NUDCD1: variants seen among roughly 807,000 people sequenced by gnomAD.
The protein encoded by NUDCD1 is nudC domain-containing protein 1.
In NUDCD1, 60 loss-of-function variants were observed where a neutral mutation model predicts 67.8. The ratio of observed to expected loss-of-function variants is 0.88; its 90% CI spans 0.72 to 1.10. The LOEUF (loss-of-function observed/expected upper bound fraction) is 1.10, where lower values mean the gene tolerates loss of function less well. Among genes scored for constraint, NUDCD1 ranks in the 50% least tolerant of loss-of-function variants. The pLI is 0.00. For missense variants in NUDCD1, 643 were observed against 695.0 expected, an observed-to-expected ratio of 0.93 and a Z score of 0.84; for synonymous variants, 244 against 230.8, an observed-to-expected ratio of 1.06 and a Z score of -0.52.
intron 2 of NUDCD1, among the ~76,000 whole-genome samples, chr8:109,317,703 G>A (rs1392756804): frequency 1.3e-5 from 2 of 151,954 alleles, no homozygotes. Flanking sequence ...AGGAATATGT[G>A]CAAAAAAAAC....
At chr8:109,255,888 C>T (rs1024005877) in intron 8 of NUDCD1, among the ~76,000 whole-genome samples, 1 of 152,068 alleles carries the variant, frequency 6.6e-6, no homozygotes, top group African/African-American at 2.4e-5. Context: ...GTTTGAAGAA[C>T]AGCATAATGG....
At chr8:109,256,736 GA>G (rs1813749502) in intron 8 of NUDCD1, among the ~76,000 whole-genome samples, 1 of 151,798 alleles carries the variant, frequency 6.6e-6, no homozygotes, top group African/African-American at 2.4e-5. Context: ...AGGAAAAAAT[GA>G]CACCAAGTTC....
chr8:109,304,229 T>C (rs1778966697), intron 2 of NUDCD1, among the ~76,000 whole-genome samples: 1 of 152,198 alleles, frequency 6.6e-6, no homozygotes, highest in Non-Finnish European at 1.5e-5. Context: ...GTGTAGCCTT[T>C]CTGTCCAAAC....
intron 8 of NUDCD1, among the ~76,000 whole-genome samples, chr8:109,266,651 T>C (rs1288062012): frequency 6.6e-6 from 1 of 152,192 alleles, no homozygotes; most frequent in African/African-American, 2.4e-5. Flanking sequence ...AATTGCTCAA[T>C]AGTCACCATA....
intron 8 of NUDCD1, among the ~76,000 whole-genome samples, chr8:109,249,328 G>A (rs1813571209): frequency 6.6e-6 from 1 of 152,146 alleles, no homozygotes; most frequent in Non-Finnish European, 1.5e-5. Flanking sequence ...TTTTAAGAAT[G>A]AGATGAGTAA....
intron 2 of NUDCD1, among the ~76,000 whole-genome samples, chr8:109,311,559 G>GTGTGTGTATATATATATA: frequency 0.011 from 1,379 of 125,150 alleles, 148 homozygotes; most frequent in African/African-American, 0.046. Context: ...AAACTGTGGT[G>GTGTGTGTATATATATATA]TATATATATA....
chr8:109,254,338 T>C (rs964417115), intron 8 of NUDCD1, among the ~76,000 whole-genome samples: 1 of 152,220 alleles, frequency 6.6e-6, no homozygotes, highest in Non-Finnish European at 1.5e-5. Context: ...TCAGAATGCT[T>C]TATGTAAGAT....
intron 2 of NUDCD1, among the ~76,000 whole-genome samples, chr8:109,310,570 T>C (rs946511268): frequency 7.2e-5 from 11 of 152,218 alleles, no homozygotes; most frequent in African/African-American, 2.7e-4. Context: ...CAGGATTTCA[T>C]GACCAAGAAC....
In NUDCD1 at chr8:109,270,079, G is replaced by GCGGCT. The variant is rs1400174724; in HGVS notation, c.1299+925_1299+926insAGCCG. ...GAGGTGGCGGGGGCGGGGGGGGGGGGGGGTGCCTTAAGGTGGGGTGTGAAA... is the reference window on the plus strand; with the variant it reads ...GAGGTGGCGGGGGCGGGGGGGGGGGGCGGCTGGGTGCCTTAAGGTGGGGTGTGAAA... On this transcript the variant is annotated intron_variant, in intron 8 of 9. Transcript: ENST00000239690. Among the ~76,000 whole-genome samples, 2 of 58,576 alleles carry GCGGCT rather than the reference G, an allele frequency of 3.4e-5. 1 individual carries two copies. The highest frequency in any genetic ancestry group is 1.4e-4 in the African/African-American group (2 of 14,496). The allele number at this position is 58,576 out of a possible 152,430, so 38.4% of individuals were successfully genotyped here.
At chr8:109,248,000 T>C (rs908824497) in intron 8 of NUDCD1, among the ~76,000 whole-genome samples, 1 of 152,166 alleles carries the variant, frequency 6.6e-6, no homozygotes, top group Non-Finnish European at 1.5e-5. Flanking sequence ...GATGGAGAGA[T>C]TATCCTGGAA....
intron 2 of NUDCD1, among the ~76,000 whole-genome samples, chr8:109,306,864 C>A (rs1247714556): frequency 6.6e-6 from 1 of 152,168 alleles, no homozygotes; most frequent in African/African-American, 2.4e-5. Context: ...AATCTTTCCT[C>A]AGTTTAATCT....
At chr8:109,280,354 C>T (rs1042636298) in intron 6 of NUDCD1, among the ~76,000 whole-genome samples, 3 of 152,124 alleles carry the variant, frequency 2.0e-5, no homozygotes, top group Non-Finnish European at 4.4e-5. Context: ...TCTCTTCTTG[C>T]CTAGGCTGGT....
rs143118791 is a variant in NUDCD1, at chr8:109,297,988, G to C, written c.274-1419C>G. Among the ~76,000 whole-genome samples, 418 of 152,160 alleles carry C rather than the reference G, an allele frequency of 2.7e-3. 1 individual carries two copies. Among genetic ancestry groups the C allele is most frequent in the Non-Finnish European group, 3.9e-3 (264 of 67,984 alleles). ...AATATTTAAGTAAACTGTATACAAT[G>C]TCCTTACTGGCCACAAAATTTTTGG... On this transcript the variant is annotated intron_variant, in intron 2 of 9. Coordinates refer to ENST00000239690, the MANE Select transcript of NUDCD1 (RefSeq NM_032869.4).
At chr8:109,309,842 C>T (rs1206154213) in intron 2 of NUDCD1, among the ~76,000 whole-genome samples, 4 of 151,516 alleles carry the variant, frequency 2.6e-5, no homozygotes, top group African/African-American at 7.3e-5. Flanking sequence ...AGATCAAGAA[C>T]TCAACCCCTT....
chr8:109,282,964 A>T (rs1009288372), intron 5 of NUDCD1, among the ~76,000 whole-genome samples: 1 of 152,214 alleles, frequency 6.6e-6, no homozygotes, highest in African/African-American at 2.4e-5. Context: ...AGACACTCAG[A>T]AAAAAGACAC....
At chr8:109,303,402 T>C (rs1373864818) in intron 2 of NUDCD1, among the ~76,000 whole-genome samples, 2 of 152,166 alleles carry the variant, frequency 1.3e-5, no homozygotes, top group Admixed American at 6.5e-5. Context: ...CCACTCCACA[T>C]TACCTTCTTT....
At chr8:109,306,946 C>T (rs775392692) in intron 2 of NUDCD1, among the ~76,000 whole-genome samples, 3 of 152,096 alleles carry the variant, frequency 2.0e-5, no homozygotes, top group Non-Finnish European at 4.4e-5. Flanking sequence ...CCCATTATCT[C>T]TCCATACCAC....
At chr8:109,256,078 G>A (rs1813730401) in intron 8 of NUDCD1, among the ~76,000 whole-genome samples, 1 of 152,040 alleles carries the variant, frequency 6.6e-6, no homozygotes, top group Non-Finnish European at 1.5e-5. Flanking sequence ...AGGCGTGTTG[G>A]GATGCACCTG....
intron 8 of NUDCD1, among the ~76,000 whole-genome samples, chr8:109,249,389 G>A (rs1420504345): frequency 6.6e-6 from 1 of 152,152 alleles, no homozygotes; most frequent in Non-Finnish European, 1.5e-5. Context: ...GTAGCTCACA[G>A]CTACAGCTCT....
Sources: gnomAD v4.1 joint callset for allele counts (sites outside exome capture counted in the v4.1 genomes callset) on GRCh38, gnomAD v4.1.1 for gene constraint, MANE v1.5 for transcripts, NCBI Gene and HGNC (gene_info 2026-07-23, HGNC 2026-07-21) for gene names.